Variants in NEDD4L observed in about 807,000 individuals in gnomAD.
NEDD4L encodes NEDD4 like E3 ubiquitin protein ligase.
In NEDD4L, 54 loss-of-function variants were observed where a neutral mutation model predicts 148.9. That is an observed-to-expected ratio of 0.36 (90% CI 0.29 to 0.45). The LOEUF (loss-of-function observed/expected upper bound fraction) is 0.45, where lower values mean the gene tolerates loss of function less well. NEDD4L is among the 20% of genes least tolerant of loss of function. The pLI, the probability that NEDD4L is intolerant of heterozygous loss-of-function variation, is 1.00. For missense variants in NEDD4L, 856 were observed against 1,233.8 expected, an observed-to-expected ratio of 0.69 and a Z score of 4.59; for synonymous variants, 433 against 440.7, an observed-to-expected ratio of 0.98 and a Z score of 0.22.
At chr18:58,095,326 G>A (rs2084323355) in intron 1 of NEDD4L, among the ~76,000 whole-genome samples, 1 of 152,186 alleles carries the variant, frequency 6.6e-6, no homozygotes, top group Admixed American at 6.5e-5. Context: ...GCTCGCTCTG[G>A]GAAGGTGCAA....
At chr18:58,166,871 A>G (rs7227653) in intron 2 of NEDD4L, among the ~76,000 whole-genome samples, 1,966 of 152,184 alleles carry the variant, frequency 0.013, 37 homozygotes, top group African/African-American at 0.044. Flanking sequence ...GAGTCCCTCT[A>G]TAAAGAAGCC....
At chr18:58,395,036 G>GTGTCTC (rs1316200747) in intron 30 of NEDD4L, among the ~76,000 whole-genome samples, 3 of 152,190 alleles carry the variant, frequency 2.0e-5, no homozygotes, top group African/African-American at 7.2e-5. Context: ...TAACCTTGCT[G>GTGTCTC]TGTCTCAAGC....
chr18:58,174,377 T>C (rs2037865598), intron 2 of NEDD4L, among the ~76,000 whole-genome samples: 1 of 152,146 alleles, frequency 6.6e-6, no homozygotes, highest in African/African-American at 2.4e-5. Flanking sequence ...GGTTCGTGGG[T>C]TTCATCCGGG....
chr18:58,280,533 C>G (rs1230824570), intron 5 of NEDD4L, among the ~76,000 whole-genome samples: 1 of 152,142 alleles, frequency 6.6e-6, no homozygotes. Flanking sequence ...AGAGCGAGCA[C>G]AAGTCTGTGC....
At chr18:58,080,641 T>C (rs2083380817) in intron 1 of NEDD4L, among the ~76,000 whole-genome samples, 1 of 152,216 alleles carries the variant, frequency 6.6e-6, no homozygotes, top group African/African-American at 2.4e-5. Flanking sequence ...TAGGGACAGA[T>C]GCCCTCAGGC....
At chr18:58,091,110 C>T (rs2084047132) in intron 1 of NEDD4L, 1 of 152,246 alleles carries the variant, frequency 6.6e-6, no homozygotes, top group Admixed American at 6.5e-5. Flanking sequence ...CACACACTAA[C>T]CTTCCTTCCA....
At position 58,351,065 on chromosome 18, in the gene NEDD4L, G is replaced by T. The variant is rs1273130854; in HGVS notation, c.1708+20G>T. The T allele has an allele frequency of 6.3e-7, 1 of 1,575,374 alleles. No homozygotes were observed. Among genetic ancestry groups the T allele is most frequent in the Admixed American group, 1.8e-5 (1 of 54,760 alleles). On this transcript the variant is annotated intron_variant, in intron 18 of 30. Transcript: ENST00000400345. ...ATCATAGTAAGTAGGCGCTGTTATGGACACACAGGTGTTGTGGGTTAGAGG... is the reference window on the plus strand; with the variant it reads ...ATCATAGTAAGTAGGCGCTGTTATGTACACACAGGTGTTGTGGGTTAGAGG...
At chr18:58,143,145 A>G (rs1305690928) in intron 1 of NEDD4L, among the ~76,000 whole-genome samples, 2 of 152,202 alleles carry the variant, frequency 1.3e-5, no homozygotes, top group Non-Finnish European at 2.9e-5. Flanking sequence ...GCATCACTTG[A>G]GCCCCCTTGC....
intron 1 of NEDD4L, among the ~76,000 whole-genome samples, chr18:58,154,136 G>T (rs2035159971): frequency 6.6e-6 from 1 of 152,210 alleles, no homozygotes; most frequent in African/African-American, 2.4e-5. Context: ...AAATGGACAT[G>T]TGACATGGGC....
chr18:58,396,215 A>G lies in NEDD4L; in HGVS notation c.2874A>G (p.Arg958=). ...CATATGAAACCTTTGAAGATTTACG[A>G]GAGAAACTTCTCATGGCCGTGGAAA... ...LPPYETFEDL[R]EKLLMAVENA... Residue 958 remains arginine (R), a synonymous_variant, in exon 31 of 31, where the codon CGA becomes CGG. Coordinates refer to ENST00000400345, the MANE Select transcript of NEDD4L (RefSeq NM_001144967.3). The G allele has an allele frequency of 1.9e-6, 3 of 1,613,770 alleles. No homozygotes were observed. Among genetic ancestry groups the G allele is most frequent in the Non-Finnish European group, 2.5e-6 (3 of 1,179,770 alleles).
chr18:58,098,493 C>T (rs530383865), intron 1 of NEDD4L, among the ~76,000 whole-genome samples: 97 of 152,276 alleles, frequency 6.4e-4, no homozygotes, highest in African/African-American at 2.3e-3. Context: ...TGTGAATTCT[C>T]GAGGCCGACT....
chr18:58,072,425 C>A (rs1391801530), intron 1 of NEDD4L, among the ~76,000 whole-genome samples: 1 of 152,104 alleles, frequency 6.6e-6, no homozygotes, highest in Non-Finnish European at 1.5e-5. Flanking sequence ...ACTTGGTTCA[C>A]CATACCAAAA....
At chr18:58,246,469 A>G (rs1232012329) in intron 3 of NEDD4L, among the ~76,000 whole-genome samples, 18 of 151,964 alleles carry the variant, frequency 1.2e-4, no homozygotes. Flanking sequence ...TTAGTTATTT[A>G]TTTATTTAGT....
chr18:58,204,493 A>C (rs942301963), intron 2 of NEDD4L, among the ~76,000 whole-genome samples: 8 of 152,218 alleles, frequency 5.3e-5, no homozygotes, highest in African/African-American at 1.9e-4. Flanking sequence ...TAAAGGAGTA[A>C]AGTAAGTCCG....
At chr18:58,238,327 T>C (rs1487770491) in intron 2 of NEDD4L, among the ~76,000 whole-genome samples, 5 of 152,228 alleles carry the variant, frequency 3.3e-5, no homozygotes, top group African/African-American at 4.8e-5. Context: ...GGGTTTGTTA[T>C]TGAGATGTAG....
intron 1 of NEDD4L, among the ~76,000 whole-genome samples, chr18:58,064,863 T>G (rs1389791407): frequency 6.6e-6 from 1 of 152,136 alleles, no homozygotes; most frequent in African/African-American, 2.4e-5. Flanking sequence ...TCTCAGCACT[T>G]TGGGAGGCGA....
intron 1 of NEDD4L, among the ~76,000 whole-genome samples, chr18:58,093,340 A>G (rs1340506120): frequency 6.6e-6 from 1 of 152,212 alleles, no homozygotes; most frequent in Non-Finnish European, 1.5e-5. Context: ...ATGTTTGGTA[A>G]GAACTGCGCA....
intron 2 of NEDD4L, among the ~76,000 whole-genome samples, chr18:58,180,223 C>T (rs956542961): frequency 6.6e-6 from 1 of 152,188 alleles, no homozygotes; most frequent in African/African-American, 2.4e-5. Context: ...TGTGCCTTGC[C>T]GGTGCCCAGA....
chr18:58,387,533 AT>A, intron 27 of NEDD4L, 35 bp downstream of exon 27: 2 of 1,491,642 alleles, frequency 1.3e-6, no homozygotes. Context: ...TGTAAAGTGG[AT>A]TTTTTAAAGT....
Sources: allele counts gnomAD v4.1 joint callset (sites outside exome capture counted in the v4.1 genomes callset), GRCh38; gene constraint gnomAD v4.1.1; transcripts MANE v1.5; gene names NCBI Gene and HGNC (gene_info 2026-07-23, HGNC 2026-07-21).